MGST1: variants seen among roughly 807,000 people sequenced by gnomAD.
MGST1 encodes the protein microsomal glutathione S-transferase 1.
MGST1 carries 5 observed loss-of-function variants against 8.9 expected under a neutral mutation model. The observed-to-expected ratio is 0.56, with a 90% confidence interval of 0.29 to 1.19. MGST1 has a LOEUF of 1.19. Ranked by LOEUF, MGST1 falls within the 50% of genes most tolerant of loss-of-function variation. The pLI, the probability that MGST1 is intolerant of heterozygous loss-of-function variation, is 0.08. For synonymous variants in MGST1, 54 were observed against 67.8 expected (o/e 0.80, Z 1.00); for missense variants, 182 against 187.4 (o/e 0.97, Z 0.17).
At chr12:16,427,347 A>G (rs1940899546) in intron 1 of MGST1, among the ~76,000 whole-genome samples, 3 of 152,192 alleles carry the variant, frequency 2.0e-5, no homozygotes, top group Admixed American at 6.5e-5. Context: ...GTTTAAATCA[A>G]TATTATAGAA....
At chr12:16,425,371 C>T (rs1279217415) in intron 1 of MGST1, among the ~76,000 whole-genome samples, 1 of 152,076 alleles carries the variant, frequency 6.6e-6, no homozygotes, top group Admixed American at 6.5e-5. Flanking sequence ...CAGCCTCCAC[C>T]TCCTGGGCTC....
chr12:16,427,133 G>A (rs774841482), intron 1 of MGST1, among the ~76,000 whole-genome samples: 1 of 152,098 alleles, frequency 6.6e-6, no homozygotes, highest in Admixed American at 6.5e-5. Flanking sequence ...TTAAACAATT[G>A]TTTACATTAT....
Position 16,537,922 on chromosome 12 carries a change from T to C in MGST1, n.483-51606T>C, listed in dbSNP as rs971472455. ...CACATTTTCCCCATTGTCTTGGAGA[T>C]TAACATGTGGCTCCTTGTTACTTAT... On this transcript the variant is annotated intron_variant and non_coding_transcript_variant, in intron 4 of 4. Coordinates refer to the MGST1 transcript ENST00000538857. This position sits in a 1 kb window ranked among gnomAD's most constrained non-coding sequence, Gnocchi z 4.6. 5.3e-5 allele frequency among the ~76,000 whole-genome samples: 8 copies of C among 152,222 alleles called. No homozygotes were observed. The highest frequency in any genetic ancestry group is 1.4e-4 in the African/African-American group (6 of 41,466).
intron 4 of MGST1, among the ~76,000 whole-genome samples, chr12:16,453,440 T>G (rs1371339596): frequency 6.6e-6 from 1 of 151,938 alleles, no homozygotes; most frequent in Non-Finnish European, 1.5e-5. Context: ...CTGGTAGTGT[T>G]TTTTACATTA....
chr12:16,550,696 A>C (rs751522968), intron 4 of MGST1: 5 of 152,602 alleles, frequency 3.3e-5, no homozygotes, highest in African/African-American at 4.8e-5. Context: ...AGTATTTTTA[A>C]TGTTGATAGA....
intron 4 of MGST1, among the ~76,000 whole-genome samples, chr12:16,571,278 A>G (rs1942805193): frequency 2.0e-5 from 3 of 152,134 alleles, no homozygotes. Flanking sequence ...CAAAGGCATC[A>G]GTATTTTATT....
intron 1 of MGST1, among the ~76,000 whole-genome samples, chr12:16,430,229 T>A (rs1379979199): frequency 6.6e-6 from 1 of 152,182 alleles, no homozygotes; most frequent in Non-Finnish European, 1.5e-5. Flanking sequence ...TGTCGTTGCC[T>A]CCTCTACTGA....
chr12:16,489,055 A>C (rs1191192045), intron 4 of MGST1, among the ~76,000 whole-genome samples: 2 of 152,104 alleles, frequency 1.3e-5, no homozygotes, highest in Admixed American at 1.3e-4. Context: ...GGCTGCAGTG[A>C]GCTATTATCG....
At chr12:16,564,908 C>T (rs1412439670) in intron 4 of MGST1, among the ~76,000 whole-genome samples, 1 of 152,036 alleles carries the variant, frequency 6.6e-6, no homozygotes, top group Non-Finnish European at 1.5e-5. Context: ...GCCTCAGCTC[C>T]CCAAGTAGCT....
At chr12:16,542,703 C>A (rs764575292) in intron 4 of MGST1, among the ~76,000 whole-genome samples, 1 of 152,130 alleles carries the variant, frequency 6.6e-6, no homozygotes, top group African/African-American at 2.4e-5. Context: ...TTTACCAAGC[C>A]GTCTTGACTA....
chr12:16,511,047 C>T (rs1193448185), intron 4 of MGST1, among the ~76,000 whole-genome samples: 3 of 152,106 alleles, frequency 2.0e-5, no homozygotes, highest in South Asian at 2.1e-4. Flanking sequence ...TTGTATTTTA[C>T]AAAGGCTATG....
At position 16,544,129 on chromosome 12, in the gene MGST1, G is replaced by A. The variant is rs758886490; in HGVS notation, n.483-45399G>A. 7.3e-5 allele frequency among the ~76,000 whole-genome samples: 11 copies of A among 151,698 alleles called. No individual in the cohort carries two copies. Among genetic ancestry groups the A allele is most frequent in the Admixed American group, 4.6e-4 (7 of 15,162 alleles). ...ACAGCATCTTACTGTGCTGCACTGCGTTTTTCTCATGCCTTTTATTTTTGG... is the reference window on the plus strand; with the variant it reads ...ACAGCATCTTACTGTGCTGCACTGCATTTTTCTCATGCCTTTTATTTTTGG... On this transcript the variant is annotated intron_variant and non_coding_transcript_variant, in intron 4 of 4. Coordinates refer to the MGST1 transcript ENST00000538857. The surrounding 1 kb of genome is among the most constrained non-coding windows in gnomAD (Gnocchi z 4.8).
exon 2 of MGST1, chr12:16,437,742 GA>G (rs1344523040): frequency 2.0e-5 from 3 of 151,880 alleles, no homozygotes; most frequent in African/African-American, 7.3e-5. Context: ...AGGCTCTTTG[GA>G]AAACAGGAAT....
At chr12:16,387,793 T>TG (rs1369493405) in intron 1 of MGST1, among the ~76,000 whole-genome samples, 8 of 152,274 alleles carry the variant, frequency 5.3e-5, no homozygotes, top group Admixed American at 2.0e-4. Flanking sequence ...CCTGAAGTGC[T>TG]GGATTACAGG....
At chr12:16,408,152 C>A (rs996425808) in intron 1 of MGST1, among the ~76,000 whole-genome samples, 1 of 150,548 alleles carries the variant, frequency 6.6e-6, no homozygotes, top group African/African-American at 2.4e-5. Context: ...TAGGTGGGAG[C>A]TAAATGATGA....
At chr12:16,360,014 A>G (rs1315255661) in intron 3 of MGST1, among the ~76,000 whole-genome samples, 1 of 152,192 alleles carries the variant, frequency 6.6e-6, no homozygotes, top group Non-Finnish European at 1.5e-5. Flanking sequence ...AGAAAGAACA[A>G]TTGACCCCAG....
chr12:16,453,207 CTG>C (rs1267767470), intron 4 of MGST1, among the ~76,000 whole-genome samples: 1 of 151,918 alleles, frequency 6.6e-6, no homozygotes, highest in Admixed American at 6.6e-5. Flanking sequence ...TTGTTAAAAA[CTG>C]AGAGAGGCAA....
intron 4 of MGST1, chr12:16,514,238 G>T: frequency 3.5e-6 from 1 of 288,948 alleles, no homozygotes; most frequent in Non-Finnish European, 6.8e-6. Context: ...CACAGTGAGG[G>T]TGTGGCAGGC....
chr12:16,479,021 C>T (rs187819634), intron 4 of MGST1, among the ~76,000 whole-genome samples: 42 of 152,066 alleles, frequency 2.8e-4, no homozygotes, highest in African/African-American at 8.9e-4. Context: ...TGAATTTACC[C>T]GTTCTGGGTA....
Sources: gnomAD v4.1 joint callset for allele counts (sites outside exome capture counted in the v4.1 genomes callset) on GRCh38, gnomAD v4.1.1 for gene constraint, Gnocchi (gnomAD v3.1) non-coding constraint, MANE v1.5 for transcripts, NCBI Gene and HGNC (gene_info 2026-07-23, HGNC 2026-07-21) for gene names.